The following SBF2 variants were observed in gnomAD, a reference collection of about 807,000 sequenced individuals.
SBF2 encodes myotubularin-related protein 13.
A neutral mutation model predicts 225.2 loss-of-function variants in SBF2; 112 were observed. That is an observed-to-expected ratio of 0.50 (90% CI 0.43 to 0.58). SBF2 has a LOEUF of 0.58. Ranked by LOEUF, SBF2 falls within the 20% of genes least tolerant of loss-of-function variation. The pLI is 0.00. For synonymous variants in SBF2, 763 were observed against 773.3 expected (o/e 0.99, Z 0.22); for missense variants, 1,996 against 2,206.2 (o/e 0.90, Z 1.91).
At chr11:9,973,500 A>C (rs1337213207) in intron 13 of SBF2, among the ~76,000 whole-genome samples, 1 of 152,264 alleles carries the variant, frequency 6.6e-6, no homozygotes, top group African/African-American at 2.4e-5. Flanking sequence ...AGAGTTTGGC[A>C]GAATGCACTG....
At chr11:10,080,854 A>G (rs1225766197) in intron 2 of SBF2, among the ~76,000 whole-genome samples, 4 of 151,864 alleles carry the variant, frequency 2.6e-5, no homozygotes, top group Admixed American at 2.6e-4. Context: ...CAACAGTAGT[A>G]AAAAAAAGGA....
intron 1 of SBF2, among the ~76,000 whole-genome samples, chr11:10,195,932 C>T (rs1364778126): frequency 6.6e-6 from 1 of 152,190 alleles, no homozygotes; most frequent in East Asian, 1.9e-4. Context: ...TCACTTACGA[C>T]ATCCCAAGCA....
chr11:10,178,471 T>A (rs1435489171), intron 2 of SBF2, among the ~76,000 whole-genome samples: 1 of 146,878 alleles, frequency 6.8e-6, no homozygotes, highest in Non-Finnish European at 1.5e-5. Flanking sequence ...ATCCAGAATC[T>A]ACAATGAACT....
chr11:10,036,642 T>G (rs1016535391), intron 3 of SBF2, among the ~76,000 whole-genome samples: 3 of 152,186 alleles, frequency 2.0e-5, no homozygotes, highest in Admixed American at 1.3e-4. Context: ...TGAAATGACT[T>G]GCCAAGGTCA....
chr11:10,188,524 C>G (rs533668794), intron 2 of SBF2, among the ~76,000 whole-genome samples: 1 of 152,058 alleles, frequency 6.6e-6, no homozygotes, highest in African/African-American at 2.4e-5. Flanking sequence ...AAGTGAAGTA[C>G]GTGACTGTAG....
chr11:10,266,647 A>C (rs1251440244), intron 1 of SBF2, among the ~76,000 whole-genome samples: 1 of 152,252 alleles, frequency 6.6e-6, no homozygotes. Flanking sequence ...AGATGTCTAC[A>C]CTTGATTAGT....
intron 1 of SBF2, among the ~76,000 whole-genome samples, chr11:10,223,521 T>C (rs1420887313): frequency 2.0e-5 from 3 of 149,922 alleles, no homozygotes; most frequent in Non-Finnish European, 4.4e-5. Context: ...TTTATAGTAT[T>C]GTACTGTATT....
intron 2 of SBF2, among the ~76,000 whole-genome samples, chr11:10,063,858 C>CAGAG (rs1555006975): frequency 4.7e-4 from 64 of 136,232 alleles, no homozygotes; most frequent in African/African-American, 7.8e-4. Flanking sequence ...CACACACACA[C>CAGAG]AGAGAGAGAG....
At chr11:10,213,797 T>C (rs910920956) in intron 1 of SBF2, among the ~76,000 whole-genome samples, 1 of 152,200 alleles carries the variant, frequency 6.6e-6, no homozygotes, top group Non-Finnish European at 1.5e-5. Context: ...TAAGAATACC[T>C]GGAGTCATTC....
rs1190081988 is a variant in SBF2, at chr11:10,178,276, A to C, written c.141+15626T>G. 6.6e-5 allele frequency among the ~76,000 whole-genome samples: 10 copies of C among 150,696 alleles called. No homozygotes were observed. The South Asian group carries it at 1.5e-3, about 22-fold the overall frequency. ...CCTAGGCAATACCATTCAGGACATA[A>C]GCATGGGCAAGGACTTCATGTCTAA... On this transcript the variant is annotated intron_variant, in intron 2 of 39. Coordinates refer to ENST00000256190, the MANE Select transcript of SBF2 (RefSeq NM_030962.4).
rs1421053684 is a variant in SBF2, at chr11:9,789,150, C to T, written c.4891G>A (p.Val1631Ile). 1 of 1,614,042 alleles carries T rather than the reference C, an allele frequency of 6.2e-7. No homozygotes were observed. Among genetic ancestry groups the T allele is most frequent in the East Asian group, 2.2e-5 (1 of 44,894 alleles). Residue 1631 changes from valine to isoleucine, a missense_variant, in exon 35 of 40, where the codon GTC becomes ATC. Coordinates refer to ENST00000256190, the MANE Select transcript of SBF2 (RefSeq NM_030962.4). ...RRTVWPCYDDVSCTQPDALTS... is the reference protein window; with the variant it reads ...RRTVWPCYDDISCTQPDALTS... ...AGAGCATCAGGCTGAGTACAGCTGA[C>T]ATCATCATAGCATGGCCACACTGTT...
At chr11:9,851,322 A>G (rs748060356) in intron 21 of SBF2, among the ~76,000 whole-genome samples, 8 of 152,164 alleles carry the variant, frequency 5.3e-5, no homozygotes, top group Admixed American at 3.3e-4. Flanking sequence ...TAGTATAGGG[A>G]GGACTGCAGG....
chr11:9,969,154 G>A (rs1029050588), intron 13 of SBF2, among the ~76,000 whole-genome samples: 1 of 152,140 alleles, frequency 6.6e-6, no homozygotes, highest in Admixed American at 6.5e-5. Flanking sequence ...TAGACAAAAA[G>A]CTTAGAGTTA....
At chr11:9,924,351 G>C (rs993804479) in intron 16 of SBF2, among the ~76,000 whole-genome samples, 4 of 152,210 alleles carry the variant, frequency 2.6e-5, no homozygotes, top group Admixed American at 2.6e-4. Flanking sequence ...GCTAACGTAA[G>C]TGTTCTGAGC....
chr11:9,925,546 G>A (rs1863968720), intron 16 of SBF2, among the ~76,000 whole-genome samples: 1 of 152,010 alleles, frequency 6.6e-6, no homozygotes, highest in East Asian at 1.9e-4. Flanking sequence ...AAAGCGCTGG[G>A]ATTATAGGCG....
chr11:9,779,013 A>G lies in SBF2; in HGVS notation c.*1405T>C, dbSNP rs997066238. 6.5e-6 allele frequency: 1 copy of G among 152,678 alleles called. No individual in the cohort carries two copies. The highest frequency in any genetic ancestry group is 1.5e-5 in the Non-Finnish European group (1 of 68,036). 9.5% of individuals were successfully genotyped at this position (152,678 alleles called of 1,614,324 possible). A position where few individuals can be genotyped will look rare whatever the true frequency, so the allele number is the denominator to read the frequency against. On this transcript the variant is annotated 3_prime_UTR_variant, in exon 40 of 40. Transcript: ENST00000256190. ...ATTTTCACAGGTGGCAATTTATAAAATGGAAATGATAGAAAAGTCCTTCAT... is the reference window on the plus strand; with the variant it reads ...ATTTTCACAGGTGGCAATTTATAAAGTGGAAATGATAGAAAAGTCCTTCAT...
chr11:9,874,504 C>T (rs1859053024), intron 17 of SBF2, among the ~76,000 whole-genome samples: 2 of 152,170 alleles, frequency 1.3e-5, no homozygotes, highest in Admixed American at 1.3e-4. Context: ...GACATTTTGA[C>T]TAAAAAGCTT....
intron 1 of SBF2, among the ~76,000 whole-genome samples, chr11:10,199,438 G>A (rs1475344144): frequency 6.6e-6 from 1 of 151,862 alleles, no homozygotes; most frequent in African/African-American, 2.4e-5. Flanking sequence ...CACAAAATGA[G>A]CCCAAGCTGT....
At chr11:10,084,761 A>G (rs1458395601) in intron 2 of SBF2, among the ~76,000 whole-genome samples, 1 of 152,232 alleles carries the variant, frequency 6.6e-6, no homozygotes, top group African/African-American at 2.4e-5. Flanking sequence ...ATAAAAAAGA[A>G]TGTAATCATG....
Sources: gnomAD v4.1 joint callset for allele counts (sites outside exome capture counted in the v4.1 genomes callset) on GRCh38, gnomAD v4.1.1 for gene constraint, MANE v1.5 for transcripts, NCBI Gene and HGNC (gene_info 2026-07-23, HGNC 2026-07-21) for gene names.